Variants in SMYD3 observed in about 807,000 individuals in gnomAD.
SMYD3 encodes the protein SET and MYND domain containing 3.
Under a neutral mutation model 57.7 loss-of-function variants are expected in SMYD3, and 36 were observed. That is an observed-to-expected ratio of 0.62 (90% confidence interval 0.48 to 0.82). The LOEUF is 0.82. Ranked by LOEUF, SMYD3 falls within the 40% of genes least tolerant of loss-of-function variation. The probability of loss-of-function intolerance (pLI) is 0.00; values close to 1 mark genes in which losing one functional copy is unlikely to be tolerated. For missense variants in SMYD3, 515 were observed against 538.8 expected, an observed-to-expected ratio of 0.96 and a Z score of 0.44; for synonymous variants, 211 against 195.0, an observed-to-expected ratio of 1.08 and a Z score of -0.68.
intron 1 of SMYD3, among the ~76,000 whole-genome samples, chr1:246,493,553 C>T (rs777475892): frequency 7.2e-5 from 11 of 152,150 alleles, no homozygotes; most frequent in Non-Finnish European, 1.5e-4. Flanking sequence ...TCCTGAGAAG[C>T]TTTTTCTCTT....
chr1:246,241,256 G>A (rs932307395), intron 5 of SMYD3, among the ~76,000 whole-genome samples: 15 of 152,182 alleles, frequency 9.9e-5, no homozygotes, highest in Admixed American at 2.0e-4. Flanking sequence ...ATTATTTAGA[G>A]ATACGTCACA....
intron 5 of SMYD3, among the ~76,000 whole-genome samples, chr1:246,184,145 G>A (rs1462331715): frequency 6.6e-6 from 1 of 152,208 alleles, no homozygotes; most frequent in East Asian, 1.9e-4. Context: ...AGTAAAGGCA[G>A]TAGGTAGAAA....
chr1:245,867,843 C>T (rs2051964872), intron 8 of SMYD3, among the ~76,000 whole-genome samples: 1 of 152,184 alleles, frequency 6.6e-6, no homozygotes, highest in African/African-American at 2.4e-5. Context: ...TAGGAGACAG[C>T]AGTTCCAGGA....
chr1:246,205,217 T>C (rs2062979806), intron 5 of SMYD3, among the ~76,000 whole-genome samples: 1 of 152,232 alleles, frequency 6.6e-6, no homozygotes, highest in South Asian at 2.1e-4. Flanking sequence ...TACAAGGAGA[T>C]ACAGTTCAGC....
chr1:246,072,712 C>A (rs2060479214), intron 5 of SMYD3, among the ~76,000 whole-genome samples: 1 of 151,338 alleles, frequency 6.6e-6, no homozygotes, highest in Admixed American at 6.6e-5. Context: ...TGGAGATCTG[C>A]CTAAAATGTT....
At chr1:246,294,600 G>A (rs1389337649) in intron 5 of SMYD3, among the ~76,000 whole-genome samples, 1 of 136,884 alleles carries the variant, frequency 7.3e-6, no homozygotes, top group Non-Finnish European at 1.6e-5. Context: ...AACCAATTAA[G>A]CTTCCTTTTT....
At chr1:246,201,787 T>C (rs145899537) in intron 5 of SMYD3, among the ~76,000 whole-genome samples, 1,911 of 152,210 alleles carry the variant, frequency 0.013, 16 homozygotes, top group Non-Finnish European at 0.018. Flanking sequence ...CCGAGGCAAG[T>C]GGATCACTTG....
In SMYD3 at chr1:246,102,528, G is replaced by T. The variant is rs115316018; in HGVS notation, c.532-172591C>A. ...ATAGAACCCAGCCTCTGAGAATCTG[G>T]CCCCAGCCATCTCTTCCTCTAAACC... On this transcript the variant is annotated intron_variant, in intron 5 of 11. Transcript: ENST00000490107. 6.3e-3 allele frequency among the ~76,000 whole-genome samples: 961 copies of T among 152,122 alleles called. 4 individuals carry two copies. Among genetic ancestry groups the T allele is most frequent in the Middle Eastern group, 0.01 (3 of 294 alleles).
At chr1:245,927,295 G>A (rs915013501) in intron 7 of SMYD3, among the ~76,000 whole-genome samples, 7 of 152,160 alleles carry the variant, frequency 4.6e-5, no homozygotes, top group African/African-American at 2.4e-5. Flanking sequence ...CACCAAAAGA[G>A]GCTGGCTGGA....
intron 5 of SMYD3, among the ~76,000 whole-genome samples, chr1:246,119,743 C>T (rs1223990391): frequency 1.3e-5 from 2 of 152,128 alleles, no homozygotes; most frequent in African/African-American, 4.8e-5. Flanking sequence ...AACTCTCTAT[C>T]ACCTACCAGA....
chr1:246,367,593 C>G (rs974802707), intron 1 of SMYD3, among the ~76,000 whole-genome samples: 10 of 152,064 alleles, frequency 6.6e-5, no homozygotes, highest in African/African-American at 2.2e-4. Context: ...CAAACACGCC[C>G]AGCTAATCTT....
At chr1:246,465,368 G>T (rs1177225200) in intron 1 of SMYD3, among the ~76,000 whole-genome samples, 1 of 152,168 alleles carries the variant, frequency 6.6e-6, no homozygotes, top group African/African-American at 2.4e-5. Context: ...GCACTTGTAG[G>T]ACTAACTATG....
chr1:246,182,235 T>TA, intron 5 of SMYD3, among the ~76,000 whole-genome samples: 1 of 152,238 alleles, frequency 6.6e-6, no homozygotes, highest in South Asian at 2.1e-4. Context: ...CAAACACTCT[T>TA]ATCAGTTCCC....
intron 1 of SMYD3, among the ~76,000 whole-genome samples, chr1:246,489,270 C>T (rs563175006): frequency 1.3e-5 from 2 of 152,080 alleles, no homozygotes; most frequent in South Asian, 4.2e-4. Context: ...GGCGTGAACC[C>T]GGGAGGCGGA....
chr1:246,440,299 AT>A (rs1339854888), intron 1 of SMYD3, among the ~76,000 whole-genome samples: 1 of 152,200 alleles, frequency 6.6e-6, no homozygotes, highest in East Asian at 1.9e-4. Context: ...ATGTCACTAA[AT>A]ATCATTAAAA....
intron 1 of SMYD3, among the ~76,000 whole-genome samples, chr1:246,456,939 C>T (rs1053710334): frequency 2.0e-5 from 3 of 152,186 alleles, no homozygotes; most frequent in African/African-American, 7.2e-5. Context: ...CCAGACTAAT[C>T]CAAATCTGGC....
intron 1 of SMYD3, among the ~76,000 whole-genome samples, chr1:246,495,281 G>A (rs1014480513): frequency 1.8e-4 from 27 of 149,832 alleles, no homozygotes; most frequent in African/African-American, 6.2e-4. Flanking sequence ...CCCGGGAGGC[G>A]GAGCTTGCTG....
chr1:246,155,059 G>A (rs2062003059), intron 5 of SMYD3, among the ~76,000 whole-genome samples: 1 of 152,068 alleles, frequency 6.6e-6, no homozygotes, highest in South Asian at 2.1e-4. Flanking sequence ...GGGATTACAG[G>A]CATGAGCCAC....
Position 245,761,023 on chromosome 1 carries a change from G to C in SMYD3, c.1185+3018C>G, listed in dbSNP as rs995880012. 2.7e-4 allele frequency among the ~76,000 whole-genome samples: 41 copies of C among 152,150 alleles called. 1 individual carries two copies. The highest frequency in any genetic ancestry group is 9.7e-4 in the African/African-American group (40 of 41,430). On this transcript the variant is annotated intron_variant, in intron 11 of 11. Coordinates refer to ENST00000490107, the MANE Select transcript of SMYD3 (RefSeq NM_001167740.2). ...AACGCAAATGGTGGGACTGGAACCTGAACCTACTGACTCTAAATCCTTGCA... is the reference window on the plus strand; with the variant it reads ...AACGCAAATGGTGGGACTGGAACCTCAACCTACTGACTCTAAATCCTTGCA...
Sources: gnomAD v4.1 joint callset for allele counts (sites outside exome capture counted in the v4.1 genomes callset) on GRCh38, gnomAD v4.1.1 for gene constraint, MANE v1.5 for transcripts, NCBI Gene and HGNC (gene_info 2026-07-23, HGNC 2026-07-21) for gene names.